The following SLC26A4 variants were observed in gnomAD, a reference collection of about 807,000 sequenced individuals.
SLC26A4 encodes solute carrier family 26 member 4, also known as pendrin.
A neutral mutation model predicts 90.4 loss-of-function variants in SLC26A4; 93 were observed. The ratio of observed to expected loss-of-function variants is 1.03; its 90% confidence interval spans 0.87 to 1.22. SLC26A4 has a LOEUF of 1.22. Among genes scored for constraint, SLC26A4 ranks in the 50% most tolerant of loss-of-function variants. The probability of loss-of-function intolerance (pLI) is 0.00; values close to 1 mark genes in which losing one functional copy is unlikely to be tolerated. For missense variants in SLC26A4, 1,127 were observed against 946.2 expected (o/e 1.19, Z -2.51); for synonymous variants, 393 against 354.6 (o/e 1.11, Z -1.22).
At chr7:107,664,161 G>GT (rs1302015747) in intron 3 of SLC26A4, among the ~76,000 whole-genome samples, 1 of 152,080 alleles carries the variant, frequency 6.6e-6, no homozygotes, top group East Asian at 1.9e-4. Context: ...TTATGCTTAG[G>GT]TTTTTTAAAT....
At chr7:107,704,855 C>T (rs866451883) in intron 18 of SLC26A4, among the ~76,000 whole-genome samples, 1 of 152,224 alleles carries the variant, frequency 6.6e-6, no homozygotes, top group African/African-American at 2.4e-5. Flanking sequence ...CTTCAAGTAT[C>T]AGATAACAAT....
chr7:107,680,046 T>C (rs1791161569), intron 6 of SLC26A4, among the ~76,000 whole-genome samples: 1 of 131,154 alleles, frequency 7.6e-6, no homozygotes. Flanking sequence ...AATCTTATCT[T>C]ATTATATAAT....
At chr7:107,670,638 G>A (rs1191567853) in intron 3 of SLC26A4, among the ~76,000 whole-genome samples, 3 of 151,966 alleles carry the variant, frequency 2.0e-5, no homozygotes, top group Admixed American at 1.3e-4. Flanking sequence ...CCCTGCTTGG[G>A]GACATTCATC....
intron 18 of SLC26A4, among the ~76,000 whole-genome samples, chr7:107,709,209 C>G (rs1284190321): frequency 2.0e-5 from 3 of 152,160 alleles, no homozygotes; most frequent in Middle Eastern, 3.2e-3. Context: ...CTTTCTCCCC[C>G]AGTAATGAGT....
At position 107,701,880 on chromosome 7, in the gene SLC26A4, G is replaced by A; in HGVS notation, c.1857G>A (p.Glu619=). ...VSTNNAFEPD[E]DIEDLEELDI... ...CAAATAATGCTTTTGAGCCTGATGA[G>A]GATATTGAAGATCTGGAGGAACTTG... is the stretch of plus-strand genomic sequence containing the variant. The change falls in exon 17 of 21, where the codon GAG becomes GAA. Residue 619 remains glutamate (E), a synonymous_variant. Transcript: ENST00000644269. 6.2e-7 allele frequency: 1 copy of A among 1,613,488 alleles called. No homozygotes were observed. Among genetic ancestry groups the A allele is most frequent in the Non-Finnish European group, 8.5e-7 (1 of 1,179,436 alleles).
At chr7:107,692,969 T>C (rs1052479600) in intron 10 of SLC26A4, 1 of 152,190 alleles carries the variant, frequency 6.6e-6, no homozygotes, top group Admixed American at 6.5e-5. Context: ...TGGCATGAGT[T>C]TGGCAGCTGA....
chr7:107,665,797 A>T (rs1466302994), intron 3 of SLC26A4, among the ~76,000 whole-genome samples: 2 of 152,190 alleles, frequency 1.3e-5, no homozygotes, highest in Admixed American at 6.5e-5. Flanking sequence ...AGGTGAAAAA[A>T]TCTATTAAAT....
At chr7:107,696,110 T>C (rs1791736286) in intron 13 of SLC26A4, 71 bp downstream of exon 13, 5 of 897,564 alleles carry the variant, frequency 5.6e-6, no homozygotes, top group Middle Eastern at 2.2e-4. Flanking sequence ...ACCATTTTGA[T>C]AAATATAGTG....
At chr7:107,686,303 C>CCCTTTCCTCCCCTTCCTA (rs1791402078) in intron 8 of SLC26A4, among the ~76,000 whole-genome samples, 1 of 35,628 alleles carries the variant, frequency 2.8e-5, no homozygotes, top group African/African-American at 1.0e-4. Context: ...TACCTTCCCT[C>CCCTTTCCTCCCCTTCCTA]CCTTCCCTCC....
intron 8 of SLC26A4, among the ~76,000 whole-genome samples, chr7:107,685,740 G>A (rs909237350): frequency 3.9e-5 from 6 of 152,196 alleles, no homozygotes; most frequent in Admixed American, 3.3e-4. Context: ...GACACTATGA[G>A]GGCCAGTCAT....
rs1439431541 is a variant in SLC26A4 at position 107,716,278 on chromosome 7, T to A, written c.*832T>A. 1 of 152,202 alleles carries A rather than the reference T, an allele frequency of 6.6e-6. No homozygotes were observed. The highest frequency in any genetic ancestry group is 1.5e-5 in the Non-Finnish European group (1 of 68,020). The allele number at this position is 152,202 out of a possible 1,614,324, so 9.4% of individuals were successfully genotyped here. A position where few individuals can be genotyped will look rare whatever the true frequency, so the allele number is the denominator to read the frequency against. On this transcript the variant is annotated 3_prime_UTR_variant, in exon 21 of 21. Coordinates refer to ENST00000644269, the MANE Select transcript of SLC26A4 (RefSeq NM_000441.2). Reference sequence around the variant, plus strand: ...TGGAGGCATGTATAGGTATGATCTGTGTAAAATCTGACATAAAAACAGTGC... The same window carrying A: ...TGGAGGCATGTATAGGTATGATCTGAGTAAAATCTGACATAAAAACAGTGC...
At chr7:107,704,584 A>G (rs1250684202) in intron 18 of SLC26A4, among the ~76,000 whole-genome samples, 199 bp downstream of exon 18, 3 of 152,170 alleles carry the variant, frequency 2.0e-5, no homozygotes, top group Non-Finnish European at 4.4e-5. Context: ...ACTAAGCAGG[A>G]GTTCAGTATT....
chr7:107,675,189 G>A, intron 6 of SLC26A4, 80 bp downstream of exon 6: 1 of 1,401,070 alleles, frequency 7.1e-7, no homozygotes, highest in Non-Finnish European at 1.0e-6. Context: ...GTCTGGGCCA[G>A]GCGTGGTGGC....
intron 3 of SLC26A4, among the ~76,000 whole-genome samples, chr7:107,667,980 G>A (rs1451290589): frequency 6.6e-6 from 1 of 152,128 alleles, no homozygotes; most frequent in East Asian, 1.9e-4. Flanking sequence ...GAGGTAAGTA[G>A]GGGAGGTTTG....
At chr7:107,711,163 AAG>A (rs1792174879) in intron 19 of SLC26A4, among the ~76,000 whole-genome samples, 1 of 151,916 alleles carries the variant, frequency 6.6e-6, no homozygotes, top group African/African-American at 2.4e-5. Context: ...AAAAAAAAAA[AAG>A]AGTAAAGCTA....
At chr7:107,709,226 G>T (rs1792115024) in intron 18 of SLC26A4, among the ~76,000 whole-genome samples, 1 of 152,206 alleles carries the variant, frequency 6.6e-6, no homozygotes, top group South Asian at 2.1e-4. Flanking sequence ...GAGTCAGTCA[G>T]TGGCTGCAGG....
chr7:107,674,851 T>C, intron 5 of SLC26A4, 94 bp from the exon 6 acceptor site: 1 of 1,236,694 alleles, frequency 8.1e-7, no homozygotes. Context: ...GCTACTAGTG[T>C]TTTCATTGGT....
At chr7:107,683,819 C>T (rs1791322941) in intron 8 of SLC26A4, among the ~76,000 whole-genome samples, 1 of 152,098 alleles carries the variant, frequency 6.6e-6, no homozygotes, top group South Asian at 2.1e-4. Flanking sequence ...TAAACTTATA[C>T]ATAACATTAT....
At chr7:107,679,198 T>C (rs924038533) in intron 6 of SLC26A4, among the ~76,000 whole-genome samples, 7 of 152,170 alleles carry the variant, frequency 4.6e-5, no homozygotes, top group Non-Finnish European at 8.8e-5. Flanking sequence ...CCCAGTCCAC[T>C]TAGGGGTTGA....
Sources: gnomAD v4.1 joint callset for allele counts (sites outside exome capture counted in the v4.1 genomes callset) on GRCh38, gnomAD v4.1.1 for gene constraint, MANE v1.5 for transcripts, NCBI Gene and HGNC (gene_info 2026-07-23, HGNC 2026-07-21) for gene names.